The following CORIN variants were observed in gnomAD, a reference collection of about 807,000 sequenced individuals.
CORIN encodes the protein corin, serine peptidase.
A neutral mutation model predicts 125.3 loss-of-function variants in CORIN; 117 were observed. The ratio of observed to expected loss-of-function variants is 0.93; its 90% confidence interval spans 0.80 to 1.09. CORIN has a LOEUF of 1.09. CORIN is among the 50% of genes least tolerant of loss of function. CORIN has a pLI of 0.00. For synonymous variants in CORIN, 450 were observed against 466.4 expected (o/e 0.96, Z 0.45); for missense variants, 1,253 against 1,306.7 (o/e 0.96, Z 0.63).
chr4:47,733,975 T>C (rs146723401), intron 5 of CORIN, among the ~76,000 whole-genome samples: 4 of 152,232 alleles, frequency 2.6e-5, no homozygotes, highest in African/African-American at 7.2e-5. Context: ...CGATTCACTC[T>C]GGAAAGACAC....
At chr4:47,721,769 T>C (rs1025264154) in intron 5 of CORIN, among the ~76,000 whole-genome samples, 2 of 152,186 alleles carry the variant, frequency 1.3e-5, no homozygotes, top group African/African-American at 4.8e-5. Context: ...GCACAGCACT[T>C]AGTACATAAT....
intron 4 of CORIN, among the ~76,000 whole-genome samples, chr4:47,746,986 T>C (rs965145988): frequency 6.6e-6 from 1 of 152,190 alleles, no homozygotes; most frequent in Non-Finnish European, 1.5e-5. Flanking sequence ...ACATTTGTGC[T>C]TTCTTCTCTA....
intron 5 of CORIN, among the ~76,000 whole-genome samples, chr4:47,719,325 T>C (rs1727242992): frequency 6.6e-6 from 1 of 152,126 alleles, no homozygotes; most frequent in African/African-American, 2.4e-5. Context: ...TATTTGTTCC[T>C]CAACCCCAGT....
chr4:47,696,995 C>A (rs1726041391), intron 5 of CORIN, among the ~76,000 whole-genome samples: 1 of 152,230 alleles, frequency 6.6e-6, no homozygotes, highest in Non-Finnish European at 1.5e-5. Context: ...TCAGTTTCAA[C>A]TCCACCTCGG....
At chr4:47,720,134 A>G (rs1400621525) in intron 5 of CORIN, among the ~76,000 whole-genome samples, 1 of 152,232 alleles carries the variant, frequency 6.6e-6, no homozygotes, top group Non-Finnish European at 1.5e-5. Flanking sequence ...AAAGGAAAGT[A>G]CATTCATGCC....
chr4:47,722,669 A>G (rs780349883), intron 5 of CORIN, among the ~76,000 whole-genome samples: 1 of 152,156 alleles, frequency 6.6e-6, no homozygotes, highest in Non-Finnish European at 1.5e-5. Context: ...CAACAAACTT[A>G]TTTTATTTTG....
At chr4:47,789,996 T>C (rs1205625019) in intron 2 of CORIN, among the ~76,000 whole-genome samples, 1 of 152,196 alleles carries the variant, frequency 6.6e-6, no homozygotes, top group Non-Finnish European at 1.5e-5. Context: ...CACTCCAGCC[T>C]GGGAGACAGA....
chr4:47,835,702 G>A (rs1733363008), intron 1 of CORIN, among the ~76,000 whole-genome samples: 1 of 152,182 alleles, frequency 6.6e-6, no homozygotes, highest in Non-Finnish European at 1.5e-5. Context: ...TGAAGCTATG[G>A]TGGAGAATGT....
chr4:47,811,872 G>C (rs1041091132), intron 1 of CORIN, among the ~76,000 whole-genome samples: 1 of 152,108 alleles, frequency 6.6e-6, no homozygotes. Flanking sequence ...TTGAGTAGTT[G>C]CAACAGAGAT....
intron 1 of CORIN, among the ~76,000 whole-genome samples, chr4:47,812,098 C>T (rs1165644936): frequency 1.3e-5 from 2 of 152,112 alleles, no homozygotes; most frequent in East Asian, 1.9e-4. Flanking sequence ...TATAATTGTA[C>T]AGGGGGTAAA....
chr4:47,773,583 T>C (rs951679702), intron 3 of CORIN, among the ~76,000 whole-genome samples: 2 of 152,110 alleles, frequency 1.3e-5, no homozygotes, highest in Non-Finnish European at 2.9e-5. Context: ...CAGAATCAAG[T>C]TGAGCAATTG....
At chr4:47,831,183 T>A (rs557513529) in intron 1 of CORIN, among the ~76,000 whole-genome samples, 4 of 152,316 alleles carry the variant, frequency 2.6e-5, no homozygotes, top group African/African-American at 7.2e-5. Flanking sequence ...GATTAAGCAT[T>A]GACACTGCAT....
intron 16 of CORIN, among the ~76,000 whole-genome samples, chr4:47,631,348 G>A (rs1722798093): frequency 6.6e-6 from 1 of 152,118 alleles, no homozygotes; most frequent in Admixed American, 6.5e-5. Flanking sequence ...ACCATCACAG[G>A]CATTACTGCC....
Position 47,780,084 on chromosome 4 carries a change from T to C in CORIN, c.409+6641A>G, listed in dbSNP as rs116597164. Among the ~76,000 whole-genome samples, 1,028 of 152,272 alleles carry C rather than the reference T, an allele frequency of 6.8e-3. 11 individuals are homozygous for C. Among genetic ancestry groups the C allele is most frequent in the African/African-American group, 0.023 (968 of 41,568 alleles). The stretch of plus-strand genomic sequence containing the variant: ...GTATAATGACAACATGGAATACTAT[T>C]TAGTCATTATAACAATAGATTAGAA... On this transcript the variant is annotated intron_variant, in intron 3 of 21. Transcript: ENST00000273857.
chr4:47,823,747 C>T (rs1732620273), intron 1 of CORIN, among the ~76,000 whole-genome samples: 2 of 152,194 alleles, frequency 1.3e-5, no homozygotes, highest in African/African-American at 4.8e-5. Flanking sequence ...ATCAATCCCC[C>T]AGTCTGTAAC....
At chr4:47,777,729 G>A (rs61764281) in intron 3 of CORIN, among the ~76,000 whole-genome samples, 1 of 152,212 alleles carries the variant, frequency 6.6e-6, no homozygotes, top group Non-Finnish European at 1.5e-5. Context: ...ACAAGAAGTG[G>A]ATTGCGTCAA....
chr4:47,597,984 T>C (rs1245424101), intron 21 of CORIN, among the ~76,000 whole-genome samples: 4 of 152,104 alleles, frequency 2.6e-5, no homozygotes, highest in Non-Finnish European at 4.4e-5. Context: ...AAAAATGCCT[T>C]CCTGAGATGT....
chr4:47,679,790 T>A lies in CORIN; in HGVS notation c.1132+351A>T, dbSNP rs137857183. On this transcript the variant is annotated intron_variant, in intron 8 of 21. Transcript: ENST00000273857. ...GGGAAGCTTAACTACTCATGTATTG[T>A]TTGCAGAAGAAAGGTTCCCCATTCT... is the stretch of plus-strand genomic sequence containing the variant. 243 of 188,948 alleles carry A rather than the reference T, an allele frequency of 1.3e-3. 2 individuals are homozygous for A. Among genetic ancestry groups the A allele is most frequent in the African/African-American group, 5.3e-3 (224 of 42,322 alleles). The allele number at this position is 188,948 out of a possible 1,614,324, so 11.7% of individuals were successfully genotyped here.
At chr4:47,799,675 C>G (rs146210733) in intron 2 of CORIN, among the ~76,000 whole-genome samples, 1 of 152,050 alleles carries the variant, frequency 6.6e-6, no homozygotes, top group East Asian at 1.9e-4. Context: ...ACCCCCACTT[C>G]CTAAAGTTTG....
Sources: allele counts gnomAD v4.1 joint callset (sites outside exome capture counted in the v4.1 genomes callset), GRCh38; gene constraint gnomAD v4.1.1; transcripts MANE v1.5; gene names NCBI Gene and HGNC (gene_info 2026-07-23, HGNC 2026-07-21).